The following CUEDC1 variants were observed in gnomAD, a reference collection of about 807,000 sequenced individuals.
The protein encoded by CUEDC1 is CUE domain containing 1.
A neutral mutation model predicts 43.7 loss-of-function variants in CUEDC1; 30 were observed. The observed-to-expected ratio is 0.69, with a 90% CI of 0.51 to 0.93. The LOEUF (loss-of-function observed/expected upper bound fraction) is 0.93. CUEDC1 is among the 40% of genes least tolerant of loss of function. The probability of loss-of-function intolerance (pLI) is 0.00; values close to 1 mark genes in which losing one functional copy is unlikely to be tolerated. For missense variants in CUEDC1, 486 were observed against 549.0 expected (o/e 0.89, Z 1.15); for synonymous variants, 223 against 223.6 (o/e 1.00, Z 0.02).
At chr17:57,953,158 A>G (rs951971132) in intron 1 of CUEDC1, among the ~76,000 whole-genome samples, 33 of 152,160 alleles carry the variant, frequency 2.2e-4, no homozygotes, top group Admixed American at 2.1e-3. Context: ...CCATTTCCCC[A>G]AGAACAAGCT....
intron 1 of CUEDC1, among the ~76,000 whole-genome samples, chr17:57,949,511 C>T (rs1186640934): frequency 6.6e-6 from 1 of 151,454 alleles, no homozygotes; most frequent in Non-Finnish European, 1.5e-5. Context: ...CCCCCAGCTC[C>T]ACCCTCCCCC....
chr17:57,919,931 T>A (rs2074682958), intron 1 of CUEDC1, among the ~76,000 whole-genome samples: 2 of 152,212 alleles, frequency 1.3e-5, no homozygotes, highest in South Asian at 4.1e-4. Flanking sequence ...TTGATGGTAT[T>A]TGTCTCTAGA....
At chr17:57,947,498 C>T (rs1184372714) in intron 1 of CUEDC1, among the ~76,000 whole-genome samples, 1 of 152,080 alleles carries the variant, frequency 6.6e-6, no homozygotes, top group Non-Finnish European at 1.5e-5. Flanking sequence ...AAAAACGAAG[C>T]GTTTTACTTT....
chr17:57,897,962 G>T (rs1054320416), intron 1 of CUEDC1, among the ~76,000 whole-genome samples: 1 of 151,884 alleles, frequency 6.6e-6, no homozygotes, highest in Non-Finnish European at 1.5e-5. Context: ...GCAATGAGCC[G>T]AGATTGCACC....
chr17:57,917,858 G>C (rs574090913), intron 1 of CUEDC1, among the ~76,000 whole-genome samples: 93 of 152,324 alleles, frequency 6.1e-4, no homozygotes, highest in African/African-American at 2.2e-3. Flanking sequence ...TACTCCTCCT[G>C]ACCCACCCCA....
chr17:57,862,316 G>GCCTT lies in CUEDC1; in HGVS notation c.*972_*973insAAGG, dbSNP rs1568022597. 1 of 152,956 alleles carries GCCTT rather than the reference G, an allele frequency of 6.5e-6. No individual in the cohort carries two copies. Among genetic ancestry groups the GCCTT allele is most frequent in the Non-Finnish European group, 1.5e-5 (1 of 68,668 alleles). 9.5% of individuals were successfully genotyped at this position (152,956 alleles called of 1,614,324 possible). A position where few individuals can be genotyped will look rare whatever the true frequency, so the allele number is the denominator to read the frequency against. On this transcript the variant is annotated 3_prime_UTR_variant, in exon 11 of 11. Coordinates refer to ENST00000577830, the MANE Select transcript of CUEDC1 (RefSeq NM_001271875.2). ...CCCTTATGCCCTAGGCGCTCACCCA[G>GCCTT]GCTGGCGGCCTTTCCGCCTTGCTCT...
chr17:57,943,923 G>T lies in CUEDC1; in HGVS notation c.-316+11302C>A, dbSNP rs530405837. On this transcript the variant is annotated intron_variant, in intron 1 of 10. Transcript: ENST00000577830. Reference sequence around the variant, plus strand: ...TCAAACAAGAACAGTAACAGTCAAAGAATAAGAATCCTAACGCTACAATAT... The same window carrying T: ...TCAAACAAGAACAGTAACAGTCAAATAATAAGAATCCTAACGCTACAATAT... 2.7e-4 allele frequency among the ~76,000 whole-genome samples: 41 copies of T among 152,242 alleles called. 1 individual carries two copies. The South Asian group carries it at 8.5e-3, about 32-fold the overall frequency.
chr17:57,942,160 G>A lies in CUEDC1; in HGVS notation c.-316+13065C>T, dbSNP rs185850633. Among the ~76,000 whole-genome samples, 57 of 152,222 alleles carry A rather than the reference G, an allele frequency of 3.7e-4. No individual in the cohort carries two copies. In the East Asian group the frequency reaches 8.1e-3, roughly 22 times the overall value. ...GAAAAGGATGTGCTCCCGGCCTCCC[G>A]GCAAACTCAGAGAAGGGCCCGGCAG... On this transcript the variant is annotated intron_variant, in intron 1 of 10. Transcript: ENST00000577830.
intron 1 of CUEDC1, among the ~76,000 whole-genome samples, chr17:57,889,928 C>T (rs2074337757): frequency 6.6e-6 from 1 of 152,194 alleles, no homozygotes; most frequent in Admixed American, 6.5e-5. Context: ...CAGAGCCGTC[C>T]ATGCCAGGCT....
chr17:57,866,490 C>T lies in CUEDC1; in HGVS notation c.1148G>A (p.Arg383Gln), dbSNP rs376146460. The T allele has an allele frequency of 9.7e-5, 157 of 1,614,054 alleles. No homozygotes were observed. Among genetic ancestry groups the T allele is most frequent in the Non-Finnish European group, 1.3e-4 (149 of 1,180,020 alleles). ...AGGCCTTACCTCTTACTGTCCTTCT[C>T]GCAGGCCTTCCTCCACCTTGGGTGC... ...QEAPKVEEGL[R>Q]EGQ Residue 383 changes from arginine (R) to glutamine (Q), a missense_variant, in exon 10 of 11, where the codon CGA becomes CAA. Coordinates refer to ENST00000577830, the MANE Select transcript of CUEDC1 (RefSeq NM_001271875.2).
intron 1 of CUEDC1, among the ~76,000 whole-genome samples, chr17:57,936,582 C>T (rs1269240294): frequency 6.6e-6 from 1 of 152,028 alleles, no homozygotes; most frequent in African/African-American, 2.4e-5. Flanking sequence ...AGATGGGCAG[C>T]GGGAGGAGAG....
chr17:57,885,849 A>C lies in CUEDC1; in HGVS notation c.-285T>G. On this transcript the variant is annotated 5_prime_UTR_variant, in exon 2 of 11. An upstream start codon of the reference 5' UTR is lost. Transcript: ENST00000577830. ...GGCCGGTCATCCACACCCCCGGTGC[A>C]TCCTGGCACCGGTTTCACGGATGGT... is the stretch of plus-strand genomic sequence containing the variant. The C allele has an allele frequency of 3.3e-6, 1 of 307,672 alleles. No individual in the cohort carries two copies. Among genetic ancestry groups the C allele is most frequent in the Non-Finnish European group, 5.9e-6 (1 of 169,706 alleles). 19.1% of individuals were successfully genotyped at this position (307,672 alleles called of 1,614,324 possible).
intron 1 of CUEDC1, among the ~76,000 whole-genome samples, chr17:57,951,372 C>T (rs1391779076): frequency 6.6e-6 from 1 of 152,150 alleles, no homozygotes; most frequent in East Asian, 1.9e-4. Context: ...AACTTCAGAT[C>T]TTACACTCTA....
At position 57,861,514 on chromosome 17, in the gene CUEDC1, G is replaced by C. The variant is rs963286238; in HGVS notation, c.*1775C>G. 1 of 152,354 alleles carries C rather than the reference G, an allele frequency of 6.6e-6. No homozygotes were observed. Among genetic ancestry groups the C allele is most frequent in the African/African-American group, 2.4e-5 (1 of 41,442 alleles). The allele number at this position is 152,354 out of a possible 1,614,324, so 9.4% of individuals were successfully genotyped here. ...GGGTACCCTAGGGATGCGACGCGGG[G>C]CTCCTGGGGACAAACCCTGCCCCAG... On this transcript the variant is annotated 3_prime_UTR_variant, in exon 11 of 11. Transcript: ENST00000577830.
In CUEDC1 at chr17:57,955,004, A is replaced by T. The variant is rs2075043227; in HGVS notation, c.-316+221T>A. 6.6e-6 allele frequency among the ~76,000 whole-genome samples: 1 copy of T among 150,888 alleles called. No homozygotes were observed. Among genetic ancestry groups the T allele is most frequent in the African/African-American group, 2.4e-5 (1 of 41,198 alleles). ...GGATGAGGTGGGGGCTCGGGAAGGA[A>T]GGGCGGGCGGGGACCTGCCGCACGC... On this transcript the variant is annotated intron_variant, in intron 1 of 10. Coordinates refer to ENST00000577830, the MANE Select transcript of CUEDC1 (RefSeq NM_001271875.2). The surrounding 1 kb of genome is among the most constrained non-coding windows in gnomAD (Gnocchi z 5.3).
chr17:57,863,600 G>A (rs939418466), intron 10 of CUEDC1, among the ~76,000 whole-genome samples: 7 of 152,148 alleles, frequency 4.6e-5, no homozygotes, highest in African/African-American at 1.2e-4. Context: ...ATTCTAATAC[G>A]TCATAGCTCA....
intron 3 of CUEDC1, among the ~76,000 whole-genome samples, chr17:57,875,778 GCCCCATCGGA>G (rs1188861532): frequency 2.0e-5 from 3 of 152,042 alleles, no homozygotes; most frequent in Non-Finnish European, 4.4e-5. Flanking sequence ...GCAACTTCAA[GCCCCATCGGA>G]CCCCCAGGTT....
At position 57,895,106 on chromosome 17, in the gene CUEDC1, A is replaced by G. The variant is rs535411396; in HGVS notation, c.-315-9227T>C. Among the ~76,000 whole-genome samples the G allele has an allele frequency of 5.3e-5, 8 of 152,334 alleles. No individual in the cohort carries two copies. The East Asian group carries it at 1.5e-3, about 29-fold the overall frequency. ...GCCACTACTCAAAGTGCCTTATTGC[A>G]TGTTAACTCTCTTCATCCTCCCTAC... On this transcript the variant is annotated intron_variant, in intron 1 of 10. Coordinates refer to ENST00000577830, the MANE Select transcript of CUEDC1 (RefSeq NM_001271875.2).
intron 1 of CUEDC1, among the ~76,000 whole-genome samples, chr17:57,931,693 G>C (rs138492742): frequency 1.3e-5 from 2 of 152,092 alleles, no homozygotes; most frequent in Admixed American, 1.3e-4. Flanking sequence ...GCCAAGAAAG[G>C]CCTGAGGGTT....
Sources: gnomAD v4.1 joint callset for allele counts (sites outside exome capture counted in the v4.1 genomes callset) on GRCh38, gnomAD v4.1.1 for gene constraint, Gnocchi (gnomAD v3.1) non-coding constraint, MANE v1.5 for transcripts, NCBI Gene and HGNC (gene_info 2026-07-23, HGNC 2026-07-21) for gene names.